KLB: variants seen among roughly 807,000 people sequenced by gnomAD.
The protein encoded by KLB is klotho beta, also known as beta-klotho.
Under a neutral mutation model 88.4 loss-of-function variants are expected in KLB, and 44 were observed. That is an observed-to-expected ratio of 0.50 (90% CI 0.39 to 0.64). KLB has a LOEUF of 0.64. Ranked by LOEUF, KLB falls within the 30% of genes least tolerant of loss-of-function variation. The probability of loss-of-function intolerance (pLI) is 0.00; values close to 1 mark genes in which losing one functional copy is unlikely to be tolerated. For synonymous variants in KLB, 548 were observed against 513.4 expected (o/e 1.07, Z -0.91); for missense variants, 1,137 against 1,304.8 (o/e 0.87, Z 1.98).
At chr4:39,411,960 A>G (rs1742861815) in intron 1 of KLB, 1 of 151,598 alleles carries the variant, frequency 6.6e-6, no homozygotes. Context: ...CTGCATACCC[A>G]TAGCTTAGCT....
intron 1 of KLB, among the ~76,000 whole-genome samples, chr4:39,416,078 G>GCAACAA (rs1424277131): frequency 6.6e-6 from 1 of 150,720 alleles, no homozygotes; most frequent in Non-Finnish European, 1.5e-5. Context: ...ATTTAAACCT[G>GCAACAA]CAACAACAAC....
In KLB at chr4:39,424,776, G is replaced by C. The variant is rs185884359; in HGVS notation, c.826-9434G>C. Among the ~76,000 whole-genome samples, 667 of 152,076 alleles carry C rather than the reference G, an allele frequency of 4.4e-3. 8 individuals carry two copies. Among genetic ancestry groups the C allele is most frequent in the African/African-American group, 0.015 (631 of 41,472 alleles). On this transcript the variant is annotated intron_variant, in intron 1 of 4. Coordinates refer to ENST00000257408, the MANE Select transcript of KLB (RefSeq NM_175737.4). ...CCCTGGTAGCTGGGACTACAGGCAT[G>C]TGCCACCACGCCTGGCTAATTTTTG...
At chr4:39,427,102 A>C (rs1306747961) in intron 1 of KLB, among the ~76,000 whole-genome samples, 1 of 152,222 alleles carries the variant, frequency 6.6e-6, no homozygotes, top group Non-Finnish European at 1.5e-5. Context: ...ACAGAGACTT[A>C]GGCTGGCGGA....
intron 1 of KLB, among the ~76,000 whole-genome samples, chr4:39,426,269 G>A (rs1473308294): frequency 2.5e-5 from 3 of 121,980 alleles, no homozygotes; most frequent in Admixed American, 8.7e-5. Flanking sequence ...AAAAAAATTA[G>A]CCAGGTGTGG....
At position 39,434,398 on chromosome 4, in the gene KLB, C is replaced by A. The variant is rs537328666; in HGVS notation, c.1014C>A (p.Gly338=). 1 of 1,614,054 alleles carries A rather than the reference C, an allele frequency of 6.2e-7. No individual in the cohort carries two copies. Among genetic ancestry groups the A allele is most frequent in the East Asian group, 2.2e-5 (1 of 44,874 alleles). The change falls in exon 2 of 5, where the codon GGC becomes GGA. Residue 338 remains glycine (G), a synonymous_variant. Transcript: ENST00000257408. The part of the protein sequence containing the change: ...GWFANPIHGD[G]DYPEGMRKKL... ...TTGCCAACCCTATCCATGGGGATGGCGACTATCCAGAGGGGATGAGAAAGA... is the reference window on the plus strand; with the variant it reads ...TTGCCAACCCTATCCATGGGGATGGAGACTATCCAGAGGGGATGAGAAAGA...
At chr4:39,416,066 G>A (rs916797269) in intron 1 of KLB, among the ~76,000 whole-genome samples, 1 of 151,050 alleles carries the variant, frequency 6.6e-6, no homozygotes, top group African/African-American at 2.4e-5. Context: ...GTTCCAGAAA[G>A]GATTTAAACC....
intron 3 of KLB, 33 bp downstream of exon 3, chr4:39,438,028 G>A (rs1197287571): frequency 6.3e-7 from 1 of 1,585,016 alleles, no homozygotes; most frequent in Non-Finnish European, 8.6e-7. Context: ...ACCATAAACT[G>A]GGAAAAACAG....
chr4:39,437,907 A>G lies in KLB; in HGVS notation c.1517A>G (p.Asn506Ser), dbSNP rs201652061. 6.1e-5 allele frequency: 99 copies of G among 1,614,080 alleles called. 1 individual carries two copies. The highest frequency in any genetic ancestry group is 8.5e-6 in the Non-Finnish European group (10 of 1,180,032). The change falls in exon 3 of 5, where the codon AAT becomes AGT. Residue 506 changes from asparagine (N) to serine (S), a missense_variant. Transcript: ENST00000257408. ...TACTACAAACAGATCATACGAGAAA[A>G]TGGTTTTTCTTTAAAAGAGTCCACG... ...AHYYKQIIRE[N>S]GFSLKESTPD...
chr4:39,438,125 A>G, intron 3 of KLB, 130 bp downstream of exon 3: 1 of 847,620 alleles, frequency 1.2e-6, no homozygotes, highest in East Asian at 2.6e-5. Context: ...GTTATGAAGG[A>G]GAGCTAGGGA....
At chr4:39,424,284 C>T (rs369540327) in intron 1 of KLB, among the ~76,000 whole-genome samples, 14 of 151,588 alleles carry the variant, frequency 9.2e-5, no homozygotes, top group East Asian at 1.9e-4. Flanking sequence ...TTGGCCAGGC[C>T]GGTCTCGAAC....
intron 2 of KLB, among the ~76,000 whole-genome samples, chr4:39,435,249 C>T (rs1261339442): frequency 6.6e-6 from 1 of 151,990 alleles, no homozygotes; most frequent in Non-Finnish European, 1.5e-5. Context: ...TCCTGAGTAG[C>T]TGGGATTACA....
At chr4:39,431,266 G>A (rs886280436) in intron 1 of KLB, among the ~76,000 whole-genome samples, 6 of 150,326 alleles carry the variant, frequency 4.0e-5, no homozygotes, top group Admixed American at 6.6e-5. Context: ...TTTTTGAAAC[G>A]GAGTTTCACT....
intron 2 of KLB, 136 bp from the exon 3 acceptor site, chr4:39,437,590 AT>A: frequency 1.0e-6 from 1 of 986,790 alleles, no homozygotes; most frequent in Non-Finnish European, 1.5e-6. Context: ...TGAATTTTCT[AT>A]TTGATACAGC....
rs142095867 is a variant in KLB at position 39,432,164 on chromosome 4, G to A, written c.826-2046G>A. On this transcript the variant is annotated intron_variant, in intron 1 of 4. Transcript: ENST00000257408. ...TAACTGGGCATGGTGGTGCTCACCT[G>A]TAGTCTCAACTACTAGGGAGGCTGA... Among the ~76,000 whole-genome samples, 83 of 152,252 alleles carry A rather than the reference G, an allele frequency of 5.5e-4. 1 individual carries two copies. The East Asian group carries it at 0.014, about 26-fold the overall frequency.
intron 1 of KLB, among the ~76,000 whole-genome samples, chr4:39,408,276 C>G (rs1560642544): frequency 6.6e-6 from 1 of 152,134 alleles, no homozygotes; most frequent in Non-Finnish European, 1.5e-5. Flanking sequence ...ATATACTTCA[C>G]TTTTGATTTT....
At chr4:39,410,940 A>G (rs2109817694) in intron 1 of KLB, among the ~76,000 whole-genome samples, 1 of 152,342 alleles carries the variant, frequency 6.6e-6, no homozygotes, top group South Asian at 2.1e-4. Context: ...CTTGCAATTT[A>G]GATTCCACTT....
chr4:39,436,090 G>T (rs1053913445), intron 2 of KLB, among the ~76,000 whole-genome samples: 1 of 152,190 alleles, frequency 6.6e-6, no homozygotes. Flanking sequence ...TCTACAGGTG[G>T]CTGATAGAAA....
rs1488042192 is a variant in KLB, at chr4:39,445,541, G to C, written c.1606-791G>C. ...TTTTTGAGATGGAGTTTTTGCTCTT[G>C]TTGCCGAGGCTGGAGTGCAATGGCA... On this transcript the variant is annotated intron_variant, in intron 3 of 4. Coordinates refer to ENST00000257408, the MANE Select transcript of KLB (RefSeq NM_175737.4). Among the ~76,000 whole-genome samples, 3 of 115,832 alleles carry C rather than the reference G, an allele frequency of 2.6e-5. No homozygotes were observed. In the Admixed American group the frequency reaches 3.1e-4, roughly 12 times the overall value. The allele number at this position is 115,832 out of a possible 152,430, so 76.0% of individuals were successfully genotyped here.
chr4:39,445,661 C>T (rs1435387190), intron 3 of KLB, among the ~76,000 whole-genome samples: 12 of 148,944 alleles, frequency 8.1e-5, no homozygotes, highest in South Asian at 2.2e-4. Flanking sequence ...TGCGCCTCCA[C>T]GCCTGGCTAA....
Sources: gnomAD v4.1 joint callset for allele counts (sites outside exome capture counted in the v4.1 genomes callset) on GRCh38, gnomAD v4.1.1 for gene constraint, MANE v1.5 for transcripts, NCBI Gene and HGNC (gene_info 2026-07-23, HGNC 2026-07-21) for gene names.